The following PRKAA1 variants were observed in gnomAD, a reference collection of about 807,000 sequenced individuals.
The protein encoded by PRKAA1 is 5'-AMP-activated protein kinase catalytic subunit alpha-1.
PRKAA1 carries 23 observed loss-of-function variants against 56.9 expected under a neutral mutation model. That is an observed-to-expected ratio of 0.40 (90% confidence interval 0.29 to 0.57). PRKAA1 has a LOEUF of 0.57. Ranked by LOEUF, PRKAA1 falls within the 20% of genes least tolerant of loss-of-function variation. PRKAA1 has a pLI of 0.39. For missense variants in PRKAA1, 413 were observed against 679.7 expected (o/e 0.61, Z 4.36); for synonymous variants, 226 against 227.0 (o/e 1.00, Z 0.04).
rs765758843 is a variant in PRKAA1, at chr5:40,767,654, A to G, written c.633T>C (p.Ser211=). Residue 211 remains serine (S), a synonymous_variant, in exon 6 of 9, where the codon AGT becomes AGC. Transcript: ENST00000397128. The part of the protein sequence containing the change: ...YAGPEVDIWS[S]GVILYALLCG... ...ATAATAAAGCATAGAGAATAACCCC[A>G]CTGCTCCATATATCTACCTCTGGGC... 5 of 1,613,060 alleles carry G rather than the reference A, an allele frequency of 3.1e-6. No individual in the cohort carries two copies. The South Asian group carries it at 5.5e-5, about 18-fold the overall frequency.
intron 5 of PRKAA1, chr5:40,768,617 T>C (rs773439964): frequency 8.0e-5 from 86 of 1,076,032 alleles, no homozygotes; most frequent in Non-Finnish European, 9.2e-5. Flanking sequence ...TCTCATTTCT[T>C]TGAGCAGTCT....
chr5:40,781,002 C>T (rs1197621625), intron 1 of PRKAA1, among the ~76,000 whole-genome samples: 1 of 152,114 alleles, frequency 6.6e-6, no homozygotes, highest in African/African-American at 2.4e-5. Flanking sequence ...TACTTAATTT[C>T]CAAATAAATA....
chr5:40,776,404 G>A (rs533128320), intron 2 of PRKAA1, among the ~76,000 whole-genome samples: 2 of 152,200 alleles, frequency 1.3e-5, no homozygotes, highest in Admixed American at 6.5e-5. Context: ...AATGTCTTGC[G>A]AACATCCAAA....
chr5:40,765,947 GA>G (rs565828854), intron 6 of PRKAA1, among the ~76,000 whole-genome samples: 6 of 143,992 alleles, frequency 4.2e-5, no homozygotes, highest in Non-Finnish European at 6.1e-5. Flanking sequence ...ATCCAGAGAC[GA>G]AAAAAAAAAC....
At chr5:40,776,797 G>A (rs1744024004) in intron 2 of PRKAA1, among the ~76,000 whole-genome samples, 2 of 152,212 alleles carry the variant, frequency 1.3e-5, no homozygotes, top group South Asian at 4.1e-4. Flanking sequence ...CACTAGTGAG[G>A]CTAACTGACA....
intron 1 of PRKAA1, among the ~76,000 whole-genome samples, chr5:40,785,723 C>G (rs888055622): frequency 4.6e-5 from 7 of 152,022 alleles, no homozygotes; most frequent in African/African-American, 1.7e-4. Flanking sequence ...GAAATAGGAT[C>G]TTTTCAGACG....
chr5:40,786,786 CAAAAAAAAAA>C lies in PRKAA1; in HGVS notation c.128-9210_128-9201del, dbSNP rs34749478. On this transcript the variant is annotated intron_variant, in intron 1 of 8. Transcript: ENST00000397128. ...TGAAACCCTGTCTCTACTAAAAATA[CAAAAAAAAAA>C]AAAAAAAAAAAAAAAAGCTGCCAGT... Among the ~76,000 whole-genome samples the C allele has an allele frequency of 5.9e-3, 258 of 43,528 alleles. 1 individual carries two copies. Among genetic ancestry groups the C allele is most frequent in the African/African-American group, 0.015 (168 of 11,056 alleles). The allele number at this position is 43,528 out of a possible 152,430, so 28.6% of individuals were successfully genotyped here.
At chr5:40,796,448 A>T (rs1744933018) in intron 1 of PRKAA1, among the ~76,000 whole-genome samples, 1 of 149,038 alleles carries the variant, frequency 6.7e-6, no homozygotes, top group African/African-American at 2.5e-5. Flanking sequence ...AAAAATGAAC[A>T]TTTTTTTTTT....
chr5:40,796,617 A>G (rs1464528618), intron 1 of PRKAA1, among the ~76,000 whole-genome samples: 1 of 152,202 alleles, frequency 6.6e-6, no homozygotes, highest in African/African-American at 2.4e-5. Context: ...TTTGCTTCTT[A>G]CTTCCTCCTG....
intron 1 of PRKAA1, among the ~76,000 whole-genome samples, chr5:40,778,298 C>T (rs1744109933): frequency 6.6e-6 from 1 of 152,170 alleles, no homozygotes; most frequent in Non-Finnish European, 1.5e-5. Context: ...GAGTAGTCAT[C>T]TAGCATCCTC....
chr5:40,785,878 A>AGAGAGC (rs1454892834), intron 1 of PRKAA1, among the ~76,000 whole-genome samples: 70 of 149,132 alleles, frequency 4.7e-4, no homozygotes, highest in Admixed American at 2.2e-3. Context: ...AGAGAGAGAG[A>AGAGAGC]GCAAGCGAGC....
chr5:40,774,885 C>A, intron 3 of PRKAA1: 1 of 1,492,162 alleles, frequency 6.7e-7, no homozygotes, highest in Non-Finnish European at 9.3e-7. Context: ...AAATGTCCTA[C>A]AAAGTTCCTT....
chr5:40,795,321 C>A (rs1419540592), intron 1 of PRKAA1, among the ~76,000 whole-genome samples: 1 of 152,062 alleles, frequency 6.6e-6, no homozygotes, highest in African/African-American at 2.4e-5. Flanking sequence ...GCACCAAAAT[C>A]TCACAAATCA....
chr5:40,774,989 A>G, intron 3 of PRKAA1: 1 of 1,583,048 alleles, frequency 6.3e-7, no homozygotes, highest in Non-Finnish European at 8.7e-7. Flanking sequence ...CCAAAAAATG[A>G]ATGCAATTTA....
intron 1 of PRKAA1, among the ~76,000 whole-genome samples, chr5:40,789,363 TA>T (rs1561187256): frequency 6.6e-6 from 1 of 152,220 alleles, no homozygotes; most frequent in African/African-American, 2.4e-5. Flanking sequence ...AGGTGAAAGA[TA>T]AGTGTTAGCA....
chr5:40,795,841 T>C (rs902295341), intron 1 of PRKAA1, among the ~76,000 whole-genome samples: 23 of 152,336 alleles, frequency 1.5e-4, no homozygotes, highest in Admixed American at 1.3e-3. Flanking sequence ...TTGGAGAGTT[T>C]GTTGACTTTA....
intron 1 of PRKAA1, among the ~76,000 whole-genome samples, chr5:40,777,908 A>T (rs1241807946): frequency 2.6e-5 from 4 of 152,202 alleles, no homozygotes; most frequent in Non-Finnish European, 5.9e-5. Context: ...CCCCGTTTCT[A>T]CTAAAAATAC....
Position 40,767,454 on chromosome 5 carries a change from C to A in PRKAA1, c.821+12G>T. 1 of 1,590,736 alleles carries A rather than the reference C, an allele frequency of 6.3e-7. No homozygotes were observed. Among genetic ancestry groups the A allele is most frequent in the East Asian group, 2.2e-5 (1 of 44,724 alleles). On this transcript the variant is annotated intron_variant, in intron 6 of 8. Transcript: ENST00000397128. ...ACTATCAGATCTGATAACTTCCAAA[C>A]TGCTTTATTACCTGATATCTTTGAT...
At chr5:40,781,233 A>G (rs1230488744) in intron 1 of PRKAA1, among the ~76,000 whole-genome samples, 1 of 152,146 alleles carries the variant, frequency 6.6e-6, no homozygotes, top group Non-Finnish European at 1.5e-5. Context: ...ATCTTTCAGT[A>G]TTTCAACATT....
Sources: gnomAD v4.1 joint callset for allele counts (sites outside exome capture counted in the v4.1 genomes callset) on GRCh38, gnomAD v4.1.1 for gene constraint, MANE v1.5 for transcripts, NCBI Gene and HGNC (gene_info 2026-07-23, HGNC 2026-07-21) for gene names.